The following PTPN9 variants were observed in gnomAD, a reference collection of about 807,000 sequenced individuals.
PTPN9 encodes tyrosine-protein phosphatase non-receptor type 9.
PTPN9 carries 26 observed loss-of-function variants against 69.8 expected under a neutral mutation model. The ratio of observed to expected loss-of-function variants is 0.37; its 90% confidence interval spans 0.27 to 0.52. The LOEUF is 0.52. Ranked by LOEUF, PTPN9 falls within the 20% of genes least tolerant of loss-of-function variation. PTPN9 has a pLI of 0.91. For missense variants in PTPN9, 549 were observed against 740.3 expected (o/e 0.74, Z 3.00); for synonymous variants, 274 against 272.5 (o/e 1.01, Z -0.05).
intron 11 of PTPN9, 103 bp downstream of exon 11, chr15:75,470,577 C>T: frequency 7.1e-7 from 1 of 1,414,028 alleles, no homozygotes; most frequent in Non-Finnish European, 9.7e-7. Context: ...AGAAGCAACT[C>T]ATAACTTCCC....
chr15:75,469,035 C>G (rs748785995), intron 12 of PTPN9, 52 bp from the exon 13 acceptor site: 2 of 1,474,222 alleles, frequency 1.4e-6, no homozygotes. Flanking sequence ...TCTCTTCCTC[C>G]CTCTACCAAA....
intron 1 of PTPN9, among the ~76,000 whole-genome samples, chr15:75,561,763 G>A (rs543684155): frequency 1.3e-5 from 2 of 152,194 alleles, no homozygotes; most frequent in East Asian, 1.9e-4. Context: ...AGGCTGGAGT[G>A]CAATGACACG....
intron 1 of PTPN9, among the ~76,000 whole-genome samples, chr15:75,543,024 G>A (rs1250439645): frequency 1.9e-5 from 2 of 106,354 alleles, no homozygotes; most frequent in Admixed American, 1.4e-4. Flanking sequence ...GACAGTCCCC[G>A]GTGTGTAATG....
intron 1 of PTPN9, among the ~76,000 whole-genome samples, chr15:75,557,150 C>T (rs186905048): frequency 7.9e-5 from 12 of 152,042 alleles, no homozygotes; most frequent in Non-Finnish European, 1.6e-4. Flanking sequence ...GCTGATCAGA[C>T]GCAGTGGCTA....
intron 7 of PTPN9, among the ~76,000 whole-genome samples, chr15:75,493,146 C>A (rs1329415538): frequency 1.3e-5 from 2 of 151,868 alleles, no homozygotes; most frequent in African/African-American, 4.8e-5. Flanking sequence ...CAAAGTGAGA[C>A]CCTGTCTCAA....
intron 1 of PTPN9, among the ~76,000 whole-genome samples, chr15:75,549,575 A>C (rs1247752232): frequency 6.6e-6 from 1 of 152,214 alleles, no homozygotes; most frequent in East Asian, 1.9e-4. Flanking sequence ...ACAGATGTTA[A>C]AAGGCCACTC....
chr15:75,506,007 G>A lies in PTPN9; in HGVS notation c.640-4C>T, dbSNP rs755850533. On this transcript the variant is annotated splice_polypyrimidine_tract_variant and splice_region_variant and intron_variant, in intron 6 of 12. Transcript: ENST00000618819. ...CAGATGTCTTTAATATTTGAATCTG[G>A]AAGGTTAGAAAGAACCATGTGAGTA... 3.1e-6 allele frequency: 5 copies of A among 1,600,414 alleles called. No individual in the cohort carries two copies. The Admixed American group carries it at 5.0e-5, about 16-fold the overall frequency.
chr15:75,567,556 T>C (rs551596806), intron 1 of PTPN9, among the ~76,000 whole-genome samples: 1 of 152,264 alleles, frequency 6.6e-6, no homozygotes, highest in East Asian at 1.9e-4. Context: ...ACTGTAGAAA[T>C]AAATTCTGGC....
Position 75,490,298 on chromosome 15 carries a change from A to G in PTPN9, c.972T>C (p.Ser324=). The G allele has an allele frequency of 6.2e-7, 1 of 1,606,616 alleles. No homozygotes were observed. Among genetic ancestry groups the G allele is most frequent in the Middle Eastern group, 1.7e-4 (1 of 6,048 alleles). The change falls in exon 8 of 13, where the codon TCT becomes TCC. Residue 324 remains serine, a synonymous_variant. Transcript: ENST00000618819. ...AACGGTTTTTCTCTAGGTTTCCTGGAGACCTGAAGGAAACGAAACAAACAA... is the reference window on the plus strand; with the variant it reads ...AACGGTTTTTCTCTAGGTTTCCTGGGGACCTGAAGGAAACGAAACAAACAA... ...NPVGTFHCSM[S]PGNLEKNRYG...
intron 1 of PTPN9, among the ~76,000 whole-genome samples, chr15:75,563,850 C>T (rs1286550286): frequency 3.9e-5 from 6 of 152,058 alleles, no homozygotes; most frequent in African/African-American, 7.2e-5. Context: ...AAGGACCTGG[C>T]ACATACCAAC....
chr15:75,502,959 G>A (rs1159397309), intron 7 of PTPN9, among the ~76,000 whole-genome samples: 3 of 152,246 alleles, frequency 2.0e-5, no homozygotes, highest in South Asian at 2.1e-4. Context: ...CCAGGCTGGA[G>A]TGCAGTGGCG....
At chr15:75,470,642 T>C (rs1417588660) in intron 11 of PTPN9, 38 bp downstream of exon 11, 1 of 1,597,126 alleles carries the variant, frequency 6.3e-7, no homozygotes, top group Non-Finnish European at 8.6e-7. Context: ...ATTCTCCCCC[T>C]GTTTCAACAA....
At position 75,553,051 on chromosome 15, in the gene PTPN9, T is replaced by C. The variant is rs75200023; in HGVS notation, c.63+25663A>G. The stretch of plus-strand genomic sequence containing the variant: ...ATCCAGGCAAGTTACTTAACTTCTC[T>C]GAACCTTAATTTCGACATTTATAAA... On this transcript the variant is annotated intron_variant, in intron 1 of 12. Coordinates refer to ENST00000618819, the MANE Select transcript of PTPN9 (RefSeq NM_002833.4). 9.3e-3 allele frequency among the ~76,000 whole-genome samples: 1,419 copies of C among 152,068 alleles called. 21 individuals are homozygous for C. The highest frequency in any genetic ancestry group is 0.033 in the African/African-American group (1,372 of 41,484).
At chr15:75,547,668 CTT>C (rs71440250) in intron 1 of PTPN9, among the ~76,000 whole-genome samples, 70 of 141,250 alleles carry the variant, frequency 5.0e-4, no homozygotes, top group African/African-American at 5.8e-4. Flanking sequence ...ATATAGGGTT[CTT>C]TTTTTTTTTT....
chr15:75,504,192 T>TGCCCC (rs2074798441), intron 7 of PTPN9, among the ~76,000 whole-genome samples: 2 of 28,210 alleles, frequency 7.1e-5, no homozygotes, highest in African/African-American at 2.2e-4. Flanking sequence ...GTCAGCCCCA[T>TGCCCC]GTCCGGGAGG....
chr15:75,537,202 C>G (rs1395983334), intron 1 of PTPN9, among the ~76,000 whole-genome samples: 1 of 150,742 alleles, frequency 6.6e-6, no homozygotes, highest in African/African-American at 2.4e-5. Flanking sequence ...AAATACAAAA[C>G]TTAGCTGGGC....
intron 5 of PTPN9, among the ~76,000 whole-genome samples, chr15:75,510,832 A>G (rs2074842175): frequency 6.6e-6 from 1 of 152,078 alleles, no homozygotes; most frequent in Admixed American, 6.6e-5. Context: ...TTTCATCATC[A>G]CAAACAAAAA....
chr15:75,552,775 T>C (rs979234253), intron 1 of PTPN9, among the ~76,000 whole-genome samples: 1 of 148,760 alleles, frequency 6.7e-6, no homozygotes, highest in African/African-American at 2.5e-5. Context: ...TTCTGAGTGC[T>C]GAACTTTAAG....
chr15:75,568,895 C>T (rs1277259574), intron 1 of PTPN9, among the ~76,000 whole-genome samples: 2 of 152,080 alleles, frequency 1.3e-5, no homozygotes, highest in African/African-American at 4.8e-5. Flanking sequence ...CGGTTAGGTT[C>T]CTAAGGGGCC....
Sources: gnomAD v4.1 joint callset for allele counts (sites outside exome capture counted in the v4.1 genomes callset) on GRCh38, gnomAD v4.1.1 for gene constraint, MANE v1.5 for transcripts, NCBI Gene and HGNC (gene_info 2026-07-23, HGNC 2026-07-21) for gene names.